Variants in EPHA6 observed in about 807,000 individuals in gnomAD.
EPHA6 encodes ephrin type-A receptor 6.
EPHA6 carries 50 observed loss-of-function variants against 112.0 expected under a neutral mutation model. The observed-to-expected ratio is 0.45, with a 90% CI of 0.36 to 0.56. The LOEUF is 0.56. Ranked by LOEUF, EPHA6 falls within the 20% of genes least tolerant of loss-of-function variation. The probability of loss-of-function intolerance (pLI) is 0.00; values close to 1 mark genes in which losing one functional copy is unlikely to be tolerated. For synonymous variants in EPHA6, 529 were observed against 490.7 expected (o/e 1.08, Z -1.03); for missense variants, 1,280 against 1,417.4 (o/e 0.90, Z 1.56).
chr3:97,468,446 T>C (rs2091127440), intron 7 of EPHA6, among the ~76,000 whole-genome samples: 1 of 151,250 alleles, frequency 6.6e-6, no homozygotes, highest in Admixed American at 6.6e-5. Context: ...TTCTATTAAT[T>C]TATTTCTGAA....
intron 2 of EPHA6, among the ~76,000 whole-genome samples, chr3:96,961,328 G>A (rs1468350815): frequency 6.6e-6 from 1 of 152,214 alleles, no homozygotes; most frequent in Non-Finnish European, 1.5e-5. Context: ...TTACTTAAGA[G>A]ATACAGTGAT....
chr3:97,600,821 C>T (rs140371207), intron 12 of EPHA6, among the ~76,000 whole-genome samples: 11 of 151,376 alleles, frequency 7.3e-5, no homozygotes, highest in Non-Finnish European at 1.6e-4. Flanking sequence ...AAAAAAGCTA[C>T]GTGATGCATT....
intron 13 of EPHA6, among the ~76,000 whole-genome samples, chr3:97,616,369 T>G (rs1320293165): frequency 6.6e-6 from 1 of 152,188 alleles, no homozygotes; most frequent in Non-Finnish European, 1.5e-5. Context: ...CAGAGTGTCC[T>G]CTTTCCTCCA....
intron 5 of EPHA6, among the ~76,000 whole-genome samples, chr3:97,311,804 TTTCAAAACAAAACAAAATATATTG>T (rs1384820488): frequency 8.3e-6 from 1 of 121,024 alleles, no homozygotes; most frequent in East Asian, 2.4e-4. Flanking sequence ...AGAGTAAGAT[TTTCAAAACAAAACAAAATATATTG>T]TTCAAAACAA....
intron 1 of EPHA6, among the ~76,000 whole-genome samples, chr3:96,854,990 T>C (rs2107392626): frequency 6.6e-6 from 1 of 152,296 alleles, no homozygotes; most frequent in South Asian, 2.1e-4. Context: ...ACCAAGGTGT[T>C]AGTGCAACTG....
chr3:97,539,842 G>T (rs140830370), intron 11 of EPHA6, among the ~76,000 whole-genome samples: 1 of 152,274 alleles, frequency 6.6e-6, no homozygotes, highest in African/African-American at 2.4e-5. Context: ...GCAAGACTGA[G>T]GATTGAGATG....
chr3:97,053,134 G>A lies in EPHA6; in HGVS notation c.1114+65141G>A, dbSNP rs2108091805. On this transcript the variant is annotated intron_variant, in intron 3 of 17. Coordinates refer to ENST00000389672, the MANE Select transcript of EPHA6 (RefSeq NM_001080448.3). Reference sequence around the variant, plus strand: ...TTACAATCTATATGAAGTAATGAAGGTATGAATGAGGTAATAAAGGTATTT... The same window carrying A: ...TTACAATCTATATGAAGTAATGAAGATATGAATGAGGTAATAAAGGTATTT... Among the ~76,000 whole-genome samples the A allele has an allele frequency of 5.3e-5, 8 of 152,188 alleles. 1 individual carries two copies. In the South Asian group the frequency reaches 1.7e-3, roughly 32 times the overall value.
intron 4 of EPHA6, among the ~76,000 whole-genome samples, chr3:97,232,420 G>A (rs1405944334): frequency 1.3e-5 from 2 of 152,084 alleles, no homozygotes; most frequent in Non-Finnish European, 2.9e-5. Context: ...ATTTTGTCAG[G>A]TTCACGGCTT....
rs2092704088 is a variant in EPHA6, at chr3:97,532,276, T to C, written c.2201-82T>C. On this transcript the variant is annotated intron_variant, in intron 10 of 17. Transcript: ENST00000389672. The stretch of plus-strand genomic sequence containing the variant: ...CTTAAGAGTCATTATGTGAAAAAAG[T>C]ATGTCACTGTATGACAGTTTGACTC... 3 of 1,205,998 alleles carry C rather than the reference T, an allele frequency of 2.5e-6. No individual in the cohort carries two copies. The African/African-American group carries it at 4.6e-5, about 19-fold the overall frequency. 74.7% of individuals were successfully genotyped at this position (1,205,998 alleles called of 1,614,324 possible).
At chr3:97,521,923 CAAAA>C (rs754123519) in intron 10 of EPHA6, among the ~76,000 whole-genome samples, 1 of 87,964 alleles carries the variant, frequency 1.1e-5, no homozygotes, top group African/African-American at 3.7e-5. Context: ...GAGCCTTTTT[CAAAA>C]AAAAAAAAAA....
At chr3:97,177,222 C>A (rs1003895192) in intron 3 of EPHA6, among the ~76,000 whole-genome samples, 41 of 151,798 alleles carry the variant, frequency 2.7e-4, no homozygotes, top group Non-Finnish European at 5.3e-4. Flanking sequence ...AGTTATATTA[C>A]ATTGTGGTCA....
intron 5 of EPHA6, among the ~76,000 whole-genome samples, chr3:97,295,136 G>A (rs1406499881): frequency 6.6e-6 from 1 of 152,106 alleles, no homozygotes; most frequent in Non-Finnish European, 1.5e-5. Context: ...GACCTCAGAA[G>A]TTTTTACCTG....
At chr3:97,738,318 A>ACTGG (rs1265838144) in intron 16 of EPHA6, among the ~76,000 whole-genome samples, 2 of 152,038 alleles carry the variant, frequency 1.3e-5, no homozygotes, top group African/African-American at 4.8e-5. Context: ...GGAAGAGGAT[A>ACTGG]CTGGCATCTA....
chr3:96,942,298 G>A (rs185836747), intron 2 of EPHA6, among the ~76,000 whole-genome samples: 16 of 152,240 alleles, frequency 1.1e-4, no homozygotes, highest in African/African-American at 3.9e-4. Context: ...GTTTACCTAA[G>A]CAAGCCTTAG....
At chr3:97,576,002 C>A (rs922584974) in intron 11 of EPHA6, among the ~76,000 whole-genome samples, 29 of 152,136 alleles carry the variant, frequency 1.9e-4, no homozygotes, top group African/African-American at 6.0e-4. Context: ...CCTCGAGTTT[C>A]CAATTTAGCA....
intron 5 of EPHA6, among the ~76,000 whole-genome samples, chr3:97,372,939 A>G (rs2085143342): frequency 6.6e-6 from 1 of 152,162 alleles, no homozygotes; most frequent in Non-Finnish European, 1.5e-5. Flanking sequence ...TTAATTACAC[A>G]AAATCAGATG....
intron 3 of EPHA6, among the ~76,000 whole-genome samples, chr3:97,091,228 T>TC (rs201846806): frequency 0.015 from 2,286 of 152,236 alleles, 48 homozygotes; most frequent in African/African-American, 0.053. Flanking sequence ...CTATATGATA[T>TC]GGAAAATTCC....
chr3:96,992,153 A>T (rs1157189790), intron 3 of EPHA6, among the ~76,000 whole-genome samples: 1 of 152,142 alleles, frequency 6.6e-6, no homozygotes, highest in African/African-American at 2.4e-5. Flanking sequence ...CAACAACGTT[A>T]TGAAGTGGTT....
chr3:97,328,016 T>TCACACACAC (rs2082551128), intron 5 of EPHA6, among the ~76,000 whole-genome samples: 3 of 133,222 alleles, frequency 2.3e-5, no homozygotes, highest in Admixed American at 8.0e-5. Context: ...TGTATATGTG[T>TCACACACAC]ATATATGTAT....
Sources: allele counts gnomAD v4.1 joint callset (sites outside exome capture counted in the v4.1 genomes callset), GRCh38; gene constraint gnomAD v4.1.1; transcripts MANE v1.5; gene names NCBI Gene and HGNC (gene_info 2026-07-23, HGNC 2026-07-21).